Variants in RFX4 observed in about 807,000 individuals in gnomAD.
RFX4 encodes regulatory factor X4, also known as transcription factor RFX4.
RFX4 carries 10 observed loss-of-function variants against 95.0 expected under a neutral mutation model. The ratio of observed to expected loss-of-function variants is 0.11; its 90% CI spans 0.06 to 0.18. The LOEUF (loss-of-function observed/expected upper bound fraction) is 0.18. Ranked by LOEUF, RFX4 falls within the 10% of genes least tolerant of loss-of-function variation. The pLI, the probability that RFX4 is intolerant of heterozygous loss-of-function variation, is 1.00. For missense variants in RFX4, 640 were observed against 922.0 expected, an observed-to-expected ratio of 0.69 and a Z score of 3.96; for synonymous variants, 321 against 340.7, an observed-to-expected ratio of 0.94 and a Z score of 0.64.
chr12:106,687,182 TCACACACACACACACACA>T (rs56006444), intron 6 of RFX4, 85 bp downstream of exon 6: 18 of 547,108 alleles, frequency 3.3e-5, no homozygotes, highest in Non-Finnish European at 5.2e-5. Flanking sequence ...TCTCTCTCTC[TCACACACACACACACACA>T]CACACACACA....
intron 13 of RFX4, among the ~76,000 whole-genome samples, chr12:106,726,604 T>C (rs868551441): frequency 2.0e-5 from 3 of 152,256 alleles, no homozygotes; most frequent in African/African-American, 4.8e-5. Context: ...CTTCGTGTTA[T>C]ATTTTTACCT....
intron 2 of RFX4, among the ~76,000 whole-genome samples, chr12:106,614,583 A>G (rs1185746817): frequency 6.7e-6 from 1 of 148,716 alleles, no homozygotes; most frequent in Non-Finnish European, 1.5e-5. Context: ...ATCTCGGCTC[A>G]CTGCAAGCTC....
chr12:106,756,135 G>A (rs1433065250), intron 17 of RFX4, among the ~76,000 whole-genome samples: 1 of 152,186 alleles, frequency 6.6e-6, no homozygotes, highest in Non-Finnish European at 1.5e-5. Context: ...GATGAATGAG[G>A]TTTCACAGCG....
rs775540012 is a variant in RFX4, at chr12:106,761,403, G to C, written c.2142G>C (p.Glu714Asp). 1 of 1,614,136 alleles carries C rather than the reference G, an allele frequency of 6.2e-7. No homozygotes were observed. The highest frequency in any genetic ancestry group is 8.5e-7 in the Non-Finnish European group (1 of 1,180,020). Residue 714 changes from glutamate (E) to aspartate (D), a missense_variant, in exon 18 of 18, where the codon GAG becomes GAC. Coordinates refer to ENST00000392842, the MANE Select transcript of RFX4 (RefSeq NM_213594.3). ...CAACGCGCAGGAATTCTGAATATGA[G>C]CACATGCAACACTTTCCTGGCTTTG... ...PLTTRRNSEY[E>D]HMQHFPGFAY...
intron 1 of RFX4, among the ~76,000 whole-genome samples, chr12:106,597,900 GA>G (rs1404800888): frequency 1.3e-5 from 2 of 152,046 alleles, no homozygotes; most frequent in South Asian, 2.1e-4. Context: ...AAATAAAAAA[GA>G]AAAAGAGGAA....
At chr12:106,722,296 C>CCA (rs1455268718) in intron 13 of RFX4, among the ~76,000 whole-genome samples, 9 of 152,256 alleles carry the variant, frequency 5.9e-5, no homozygotes, top group Non-Finnish European at 1.0e-4. Context: ...ATATCCACAT[C>CCA]CACACAGCGA....
chr12:106,735,416 A>T (rs188842019), intron 15 of RFX4, among the ~76,000 whole-genome samples: 1 of 152,300 alleles, frequency 6.6e-6, no homozygotes, highest in African/African-American at 2.4e-5. Flanking sequence ...TTTTTAGACC[A>T]AAAGCTCTCA....
chr12:106,746,822 C>G (rs1390823120), intron 15 of RFX4, among the ~76,000 whole-genome samples: 1 of 152,200 alleles, frequency 6.6e-6, no homozygotes, highest in Non-Finnish European at 1.5e-5. Flanking sequence ...CAGTGCCTAT[C>G]TGGGCTGTAT....
intron 3 of RFX4, among the ~76,000 whole-genome samples, chr12:106,648,842 G>C (rs943223671): frequency 7.9e-5 from 12 of 152,068 alleles, no homozygotes; most frequent in African/African-American, 2.9e-4. Flanking sequence ...AGGACAGTGG[G>C]AAATGATGCC....
rs555347431 is a variant in RFX4, at chr12:106,619,565, A to G, written c.130+10682A>G. Among the ~76,000 whole-genome samples the G allele has an allele frequency of 4.9e-4, 74 of 152,190 alleles. 1 individual carries two copies. The highest frequency in any genetic ancestry group is 8.7e-4 in the Non-Finnish European group (59 of 67,978). The stretch of plus-strand genomic sequence containing the variant: ...TAGTTTGACTATGATGTGCATAGAT[A>G]TGGCTTTCTTGTTTTTATTCTTCTT... On this transcript the variant is annotated intron_variant, in intron 2 of 17. Transcript: ENST00000392842.
chr12:106,698,357 C>A (rs1389492068), intron 8 of RFX4, among the ~76,000 whole-genome samples: 2 of 152,038 alleles, frequency 1.3e-5, no homozygotes, highest in African/African-American at 4.8e-5. Flanking sequence ...CTGCTCACTG[C>A]AGCCTCAAAC....
chr12:106,620,372 A>C (rs890010320), intron 2 of RFX4, among the ~76,000 whole-genome samples: 5 of 152,212 alleles, frequency 3.3e-5, no homozygotes, highest in Non-Finnish European at 5.9e-5. Context: ...TGGGGGTGAC[A>C]TCACATATCG....
intron 4 of RFX4, among the ~76,000 whole-genome samples, chr12:106,657,257 G>A (rs531799691): frequency 2.0e-5 from 3 of 152,318 alleles, no homozygotes; most frequent in South Asian, 2.1e-4. Context: ...TAGAGCAGGC[G>A]AGGTTTAATA....
At chr12:106,675,070 G>A (rs1456070505) in intron 4 of RFX4, among the ~76,000 whole-genome samples, 1 of 152,192 alleles carries the variant, frequency 6.6e-6, no homozygotes, top group Non-Finnish European at 1.5e-5. Flanking sequence ...CTTTCAATTA[G>A]GCAGGAAGAA....
chr12:106,659,330 T>C (rs896672144), intron 4 of RFX4, among the ~76,000 whole-genome samples: 4 of 151,946 alleles, frequency 2.6e-5, no homozygotes, highest in African/African-American at 9.7e-5. Context: ...CCTGGTCCCT[T>C]TAGGTGTGTT....
intron 17 of RFX4, among the ~76,000 whole-genome samples, chr12:106,753,777 G>C (rs1313276818): frequency 1.3e-5 from 2 of 152,222 alleles, no homozygotes; most frequent in African/African-American, 2.4e-5. Flanking sequence ...ACACTGAGCA[G>C]ATGAGTACAT....
chr12:106,704,431 A>G (rs1318803821), intron 8 of RFX4, among the ~76,000 whole-genome samples: 2 of 152,234 alleles, frequency 1.3e-5, no homozygotes, highest in Non-Finnish European at 2.9e-5. Flanking sequence ...TCCATCTGAG[A>G]GCTGACTTTT....
Position 106,761,671 on chromosome 12 carries a change from G to C in RFX4, c.*202G>C, listed in dbSNP as rs1330954897. On this transcript the variant is annotated 3_prime_UTR_variant, in exon 18 of 18. Transcript: ENST00000392842. ...AGTTCAGAAACAGGACTTACTAAAA[G>C]TCAGTGGGACTGGGTTTCTGTAGCC... The C allele has an allele frequency of 2.0e-5, 5 of 250,726 alleles. No homozygotes were observed. Among genetic ancestry groups the C allele is most frequent in the Middle Eastern group, 3.0e-3 (2 of 676 alleles). The allele number at this position is 250,726 out of a possible 1,614,324, so 15.5% of individuals were successfully genotyped here. A position where few individuals can be genotyped will look rare whatever the true frequency, so the allele number is the denominator to read the frequency against.
chr12:106,736,243 C>T (rs1271316229), intron 15 of RFX4, among the ~76,000 whole-genome samples: 1 of 152,276 alleles, frequency 6.6e-6, no homozygotes, highest in Non-Finnish European at 1.5e-5. Flanking sequence ...TTTGGAAACA[C>T]GTGCTCCTTC....
Sources: allele counts gnomAD v4.1 joint callset (sites outside exome capture counted in the v4.1 genomes callset), GRCh38; gene constraint gnomAD v4.1.1; transcripts MANE v1.5; gene names NCBI Gene and HGNC (gene_info 2026-07-23, HGNC 2026-07-21).